The following CELSR1 variants were observed in gnomAD, a reference collection of about 807,000 sequenced individuals.
CELSR1 encodes adhesion G protein-coupled receptor C1.
In CELSR1, 110 loss-of-function variants were observed where a neutral mutation model predicts 249.1. That is an observed-to-expected ratio of 0.44 (90% CI 0.38 to 0.52). The LOEUF (loss-of-function observed/expected upper bound fraction) is 0.52. Among genes scored for constraint, CELSR1 ranks in the 20% least tolerant of loss-of-function variants. The pLI, the probability that CELSR1 is intolerant of heterozygous loss-of-function variation, is 0.00. For synonymous variants in CELSR1, 2,113 were observed against 1,900.0 expected (o/e 1.11, Z -2.92); for missense variants, 4,109 against 4,296.4 (o/e 0.96, Z 1.22).
chr22:46,495,948 C>T (rs2080409061), intron 1 of CELSR1, among the ~76,000 whole-genome samples: 1 of 152,018 alleles, frequency 6.6e-6, no homozygotes, highest in African/African-American at 2.4e-5. Context: ...AATCCCAGCG[C>T]TTTGGGAGGC....
At chr22:46,461,506 G>A (rs3788695) in intron 2 of CELSR1, among the ~76,000 whole-genome samples, 60,141 of 152,030 alleles carry the variant, frequency 0.4, 12,910 homozygotes, top group South Asian at 0.55. Context: ...CTGGACTGGC[G>A]GCCTGGAAGG....
At chr22:46,501,199 ATTTTTTTT>A (rs57293109) in intron 1 of CELSR1, among the ~76,000 whole-genome samples, 7 of 108,548 alleles carry the variant, frequency 6.4e-5, no homozygotes, top group East Asian at 2.5e-4. Flanking sequence ...TGCCCGGCTA[ATTTTTTTT>A]TTTTTTTTTT....
intron 1 of CELSR1, among the ~76,000 whole-genome samples, chr22:46,465,254 C>A (rs2080083915): frequency 6.6e-6 from 1 of 152,088 alleles, no homozygotes; most frequent in African/African-American, 2.4e-5. Flanking sequence ...GAATAGCCTG[C>A]CAAGTCCAGG....
At chr22:46,384,726 G>A (rs1265951912) in intron 19 of CELSR1, 40 bp from the exon 20 acceptor site, 1 of 1,577,186 alleles carries the variant, frequency 6.3e-7, no homozygotes. Context: ...AACTCCCAGG[G>A]CTTTCTTGAA....
intron 1 of CELSR1, among the ~76,000 whole-genome samples, chr22:46,524,145 C>T (rs902896531): frequency 4.3e-4 from 65 of 152,358 alleles, no homozygotes; most frequent in Middle Eastern, 6.8e-3. Flanking sequence ...GAGTCTGCGC[C>T]TGGCTCTTCC....
At chr22:46,382,522 C>T (rs1011921369) in intron 20 of CELSR1, among the ~76,000 whole-genome samples, 10 of 152,172 alleles carry the variant, frequency 6.6e-5, no homozygotes, top group Middle Eastern at 3.4e-3. Flanking sequence ...ATGATCCGCC[C>T]GCCTCGGCCT....
Position 46,396,912 on chromosome 22 carries a change from G to C in CELSR1, c.5702-166C>G, listed in dbSNP as rs148994546. The stretch of plus-strand genomic sequence containing the variant: ...TCCCCGAAAACACAGCGTTAGGCGG[G>C]TTAGACTTAGTGATGCAGAGAGGAA... On this transcript the variant is annotated intron_variant, in intron 12 of 34. Transcript: ENST00000674500. This position sits in a 1 kb window ranked among gnomAD's most constrained non-coding sequence, Gnocchi z 6.4. Among the ~76,000 whole-genome samples, 571 of 152,292 alleles carry C rather than the reference G, an allele frequency of 3.7e-3. 2 individuals carry two copies. The highest frequency in any genetic ancestry group is 0.022 in the South Asian group (108 of 4,830).
chr22:46,529,646 T>A (rs1844956162), intron 1 of CELSR1, among the ~76,000 whole-genome samples: 1 of 150,450 alleles, frequency 6.6e-6, no homozygotes, highest in African/African-American at 2.4e-5. Flanking sequence ...CTAAGAAACA[T>A]ACAAAAATTA....
chr22:46,523,994 T>A (rs933272896), intron 1 of CELSR1, among the ~76,000 whole-genome samples: 1 of 152,138 alleles, frequency 6.6e-6, no homozygotes, highest in Non-Finnish European at 1.5e-5. Flanking sequence ...CTCTCAGCCG[T>A]CCCGTTTCAG....
intron 28 of CELSR1, among the ~76,000 whole-genome samples, chr22:46,367,513 G>A (rs1301025183): frequency 6.6e-6 from 1 of 152,232 alleles, no homozygotes; most frequent in East Asian, 1.9e-4. Context: ...GTGCTGGCCT[G>A]GCACTAGGGT....
intron 1 of CELSR1, among the ~76,000 whole-genome samples, chr22:46,498,249 CAAAAAAAAAAAAAAA>C (rs201495106): frequency 0.44 from 25,587 of 57,790 alleles, 4,719 homozygotes; most frequent in East Asian, 0.68. Flanking sequence ...AACTCTGTCT[CAAAAAAAAAAAAAAA>C]AAAAAAAAAA....
chr22:46,367,637 T>C (rs1489364354), intron 28 of CELSR1, 92 bp downstream of exon 28: 3 of 1,503,440 alleles, frequency 2.0e-6, no homozygotes. Flanking sequence ...AGGGCTGGTT[T>C]GGGACCGCAG....
Position 46,397,819 on chromosome 22 carries a change from G to A in CELSR1, c.5556C>T (p.Asn1852=), listed in dbSNP as rs374010740. 8 of 1,586,896 alleles carry A rather than the reference G, an allele frequency of 5.0e-6. No homozygotes were observed. The highest frequency in any genetic ancestry group is 2.7e-5 in the African/African-American group (2 of 74,050). ...CGTTGTTCATGTTCAGGGTGGCGAC[G>A]TTGGTGGGCGTCCCCCCCATCCTCA... ...QGVRMGGTPT[N]VATLNMNNAL... The change falls in exon 12 of 35, where the codon AAC becomes AAT. Residue 1852 remains asparagine, a synonymous_variant. Transcript: ENST00000674500.
intron 1 of CELSR1, among the ~76,000 whole-genome samples, chr22:46,514,794 G>C (rs888876422): frequency 6.6e-6 from 1 of 152,130 alleles, no homozygotes; most frequent in Non-Finnish European, 1.5e-5. Flanking sequence ...TCATTCCCAA[G>C]TCAGCAAGCA....
At position 46,364,211 on chromosome 22, in the gene CELSR1, C is replaced by T. The variant is rs755319505; in HGVS notation, c.8820G>A (p.Thr2940=). Residue 2940 remains threonine, a synonymous_variant, in exon 34 of 35, where the codon ACG becomes ACA. Coordinates refer to ENST00000674500, the MANE Select transcript of CELSR1 (RefSeq NM_001378328.1). ...KNKVTYPPPL[T]LTEQTLKGRL... ...GGCCCTTCAGCGTCTGCTCCGTCAG[C>T]GTCAGCGGCGGCGGGTAGGTGACTT... 6 of 1,611,204 alleles carry T rather than the reference C, an allele frequency of 3.7e-6. No homozygotes were observed. Among genetic ancestry groups the T allele is most frequent in the South Asian group, 3.3e-5 (3 of 91,068 alleles).
intron 18 of CELSR1, among the ~76,000 whole-genome samples, chr22:46,387,933 C>T (rs548789307): frequency 1.3e-5 from 2 of 152,270 alleles, no homozygotes; most frequent in East Asian, 1.9e-4. Flanking sequence ...ACACTGAGGC[C>T]GCCGTGGACA....
rs1210157617 is a variant in CELSR1 at position 46,381,752 on chromosome 22, A to G, written c.7088+94T>C. The stretch of plus-strand genomic sequence containing the variant: ...GTCACGGTGAAATGTCACTGTGAAG[A>G]CCTGTGCTTGATCAGGATCAGGATT... On this transcript the variant is annotated intron_variant, in intron 21 of 34. Coordinates refer to ENST00000674500, the MANE Select transcript of CELSR1 (RefSeq NM_001378328.1). The surrounding 1 kb of genome is among the most constrained non-coding windows in gnomAD (Gnocchi z 6.0). The G allele has an allele frequency of 1.8e-6, 2 of 1,139,764 alleles. No individual in the cohort carries two copies. The highest frequency in any genetic ancestry group is 3.1e-5 in the African/African-American group (2 of 64,300). The allele number at this position is 1,139,764 out of a possible 1,614,324, so 70.6% of individuals were successfully genotyped here.
At chr22:46,522,153 T>A (rs1267935723) in intron 1 of CELSR1, among the ~76,000 whole-genome samples, 1 of 152,106 alleles carries the variant, frequency 6.6e-6, no homozygotes, top group Non-Finnish European at 1.5e-5. Context: ...TTAAACAGGG[T>A]CTTACTCTGT....
In CELSR1 at chr22:46,430,113, G is replaced by C; in HGVS notation, c.4611+3280C>G. ...AGGCCACTCTGACAGGCAACACCCG[G>C]GAGATCATGCTCAGATCTAAAATGC... On this transcript the variant is annotated intron_variant, in intron 5 of 34. Coordinates refer to ENST00000674500, the MANE Select transcript of CELSR1 (RefSeq NM_001378328.1). This position sits in a 1 kb window ranked among gnomAD's most constrained non-coding sequence, Gnocchi z 4.6. Among the ~76,000 whole-genome samples, 1 of 152,184 alleles carries C rather than the reference G, an allele frequency of 6.6e-6. No homozygotes were observed. Among genetic ancestry groups the C allele is most frequent in the East Asian group, 1.9e-4 (1 of 5,192 alleles).
Sources: allele counts gnomAD v4.1 joint callset (sites outside exome capture counted in the v4.1 genomes callset), GRCh38; gene constraint gnomAD v4.1.1; non-coding constraint Gnocchi (gnomAD v3.1); transcripts MANE v1.5; gene names NCBI Gene and HGNC (gene_info 2026-07-23, HGNC 2026-07-21).